Variants in ATPAF2 observed in about 807,000 individuals in gnomAD.
ATPAF2 encodes the protein ATP synthase mitochondrial F1 complex assembly factor 2, also known as ATP12 homolog.
In ATPAF2, 30 loss-of-function variants were observed where a neutral mutation model predicts 36.6. The observed-to-expected ratio is 0.82, with a 90% CI of 0.61 to 1.11. The LOEUF (loss-of-function observed/expected upper bound fraction) is 1.11. Ranked by LOEUF, ATPAF2 falls within the 50% of genes most tolerant of loss-of-function variation. The pLI, the probability that ATPAF2 is intolerant of heterozygous loss-of-function variation, is 0.00. For missense variants in ATPAF2, 321 were observed against 372.3 expected, an observed-to-expected ratio of 0.86 and a Z score of 1.13; for synonymous variants, 140 against 152.6, an observed-to-expected ratio of 0.92 and a Z score of 0.61.
chr17:18,038,913 G>C lies in ATPAF2; in HGVS notation c.101C>G (p.Pro34Arg), dbSNP rs778702000. Residue 34 changes from proline to arginine, a missense_variant, in exon 1 of 8, where the codon CCG (proline) becomes CGG (arginine). Physicochemically the swap from Pro to Arg is moderately radical, Grantham distance 103 (BLOSUM62 -2). Around this residue, in one of 3 missense-constraint regions of ATPAF2, gnomAD observed 69 missense variants for 60.1 expected, o/e 1.15. Coordinates refer to ENST00000474627, the MANE Select transcript of ATPAF2 (RefSeq NM_145691.4). The part of the protein sequence containing the change: ...SASMSPGPTI[P>R]SPARAYAPPT... Reference sequence around the variant, plus strand: ...CGGGGCGTAAGCCCGGGCTGGAGACGGGATGGTTGGCCCCGGACTCATAGA... The same window carrying C: ...CGGGGCGTAAGCCCGGGCTGGAGACCGGATGGTTGGCCCCGGACTCATAGA... The C allele has an allele frequency of 9.9e-6, 16 of 1,613,908 alleles. No homozygotes were observed. In the African/African-American group the frequency reaches 2.0e-4, roughly 20 times the overall value.
chr17:18,028,171 G>A (rs200168749), intron 3 of ATPAF2, 61 bp downstream of exon 3: 480 of 1,607,836 alleles, frequency 3.0e-4, no homozygotes, highest in Non-Finnish European at 4.9e-5. Flanking sequence ...TTGGTAAAGG[G>A]TCTACCCTAC....
chr17:18,034,003 C>T (rs1597678428), intron 1 of ATPAF2, among the ~76,000 whole-genome samples: 1 of 152,174 alleles, frequency 6.6e-6, no homozygotes, highest in African/African-American at 2.4e-5. Context: ...CCTGTAGTCC[C>T]AGCTACTCAG....
chr17:18,026,426 A>G lies in ATPAF2; in HGVS notation c.325-10T>C. 6.2e-7 allele frequency: 1 copy of G among 1,612,462 alleles called. No individual in the cohort carries two copies. The highest frequency in any genetic ancestry group is 8.5e-7 in the Non-Finnish European group (1 of 1,178,422). On this transcript the variant is annotated splice_polypyrimidine_tract_variant and intron_variant, in intron 3 of 7. Transcript: ENST00000474627. Reference sequence around the variant, plus strand: ...TGTTGCACAATGTGGTCTGAATCAAAGGCAAAAACCACCCTGTCACTGCCT... The same window carrying G: ...TGTTGCACAATGTGGTCTGAATCAAGGGCAAAAACCACCCTGTCACTGCCT...
intron 1 of ATPAF2, among the ~76,000 whole-genome samples, chr17:18,029,978 G>A (rs1183723405): frequency 6.6e-6 from 1 of 150,920 alleles, no homozygotes; most frequent in East Asian, 1.9e-4. Context: ...CTTGAGGCCA[G>A]GAGTTCAAGA....
Position 18,039,060 on chromosome 17 carries a change from G to A in ATPAF2, c.-47C>T. On this transcript the variant is annotated 5_prime_UTR_variant, in exon 1 of 8. Coordinates refer to ENST00000474627, the MANE Select transcript of ATPAF2 (RefSeq NM_145691.4). The surrounding 1 kb of genome is among the most constrained non-coding windows in gnomAD (Gnocchi z 5.3). ...ATGCGAGACGCGAAACCTGGAGCAG[G>A]AAACACAGAGCGATGGGATCCCCAA... 6.4e-7 allele frequency: 1 copy of A among 1,556,832 alleles called. No homozygotes were observed. The highest frequency in any genetic ancestry group is 8.7e-7 in the Non-Finnish European group (1 of 1,150,554).
chr17:18,019,147 CCACACACACACACACACACACA>C (rs138932269), intron 7 of ATPAF2, among the ~76,000 whole-genome samples: 7 of 135,658 alleles, frequency 5.2e-5, no homozygotes, highest in South Asian at 4.9e-4. Context: ...CTCAAAAACA[CCACACACACACACACACACACA>C]CACACACACA....
chr17:18,038,841 C>A (rs777656840), intron 1 of ATPAF2, 40 bp downstream of exon 1: 2 of 1,610,736 alleles, frequency 1.2e-6, no homozygotes, highest in South Asian at 2.2e-5. Flanking sequence ...CACCTTACCC[C>A]AGCTCGGCCC....
At chr17:18,030,370 G>A (rs1166018219) in intron 1 of ATPAF2, among the ~76,000 whole-genome samples, 2 of 149,000 alleles carry the variant, frequency 1.3e-5, no homozygotes, top group Non-Finnish European at 3.0e-5. Flanking sequence ...GCTAGGCATG[G>A]TGGCACATGC....
intron 1 of ATPAF2, among the ~76,000 whole-genome samples, chr17:18,036,372 G>C (rs556762174): frequency 6.6e-6 from 1 of 152,084 alleles, no homozygotes; most frequent in Non-Finnish European, 1.5e-5. Context: ...TCAGGAGATC[G>C]AGACCATCCA....
At chr17:18,024,992 T>C in intron 4 of ATPAF2, 1 of 451,018 alleles carries the variant, frequency 2.2e-6, no homozygotes, top group Non-Finnish European at 4.1e-6. Context: ...GATTCTAGTG[T>C]AAGCTTGAGT....
rs2145481261 is a variant in ATPAF2, at chr17:18,018,444, T to C, written c.*105A>G. ...ATCTCAGGGTGACGCTGAGGCCGAGTCCCCAAAAGCCAAGGAAGCCAGCCC... is the reference window on the plus strand; with the variant it reads ...ATCTCAGGGTGACGCTGAGGCCGAGCCCCCAAAAGCCAAGGAAGCCAGCCC... On this transcript the variant is annotated 3_prime_UTR_variant, in exon 8 of 8. Coordinates refer to ENST00000474627, the MANE Select transcript of ATPAF2 (RefSeq NM_145691.4). 6.6e-7 allele frequency: 1 copy of C among 1,517,424 alleles called. No homozygotes were observed. Among genetic ancestry groups the C allele is most frequent in the Non-Finnish European group, 9.0e-7 (1 of 1,106,804 alleles). The allele number at this position is 1,517,424 out of a possible 1,614,324, so 94.0% of individuals were successfully genotyped here.
chr17:18,028,525 G>A (rs780730968), intron 2 of ATPAF2, 90 bp downstream of exon 2: 22 of 1,504,612 alleles, frequency 1.5e-5, no homozygotes, highest in Admixed American at 3.5e-5. Flanking sequence ...AAGGATAATC[G>A]CACCATGAAA....
In ATPAF2 at chr17:18,018,387, C is replaced by G. The variant is rs1194042572; in HGVS notation, c.*162G>C. The G allele has an allele frequency of 1.5e-5, 15 of 996,844 alleles. No individual in the cohort carries two copies. Among genetic ancestry groups the G allele is most frequent in the Non-Finnish European group, 2.3e-5 (15 of 663,890 alleles). 61.7% of individuals were successfully genotyped at this position (996,844 alleles called of 1,614,324 possible). A position where few individuals can be genotyped will look rare whatever the true frequency, so the allele number is the denominator to read the frequency against. The stretch of plus-strand genomic sequence containing the variant: ...GGTTGAAATCAGGCTGACCTCCGGA[C>G]AGCCGTACTAGCGCACTGTGTCTCG... On this transcript the variant is annotated 3_prime_UTR_variant, in exon 8 of 8. Transcript: ENST00000474627.
At chr17:18,021,379 A>G in intron 6 of ATPAF2, 141 bp from the exon 7 acceptor site, 1 of 741,460 alleles carries the variant, frequency 1.3e-6, no homozygotes, top group Non-Finnish European at 2.4e-6. Flanking sequence ...CTTCTGAAAG[A>G]GCACTCTGGT....
Position 18,038,869 on chromosome 17 carries a change from T to C in ATPAF2, c.133+12A>G, listed in dbSNP as rs768364575. 5.0e-6 allele frequency: 8 copies of C among 1,613,714 alleles called. No individual in the cohort carries two copies. Among genetic ancestry groups the C allele is most frequent in the Non-Finnish European group, 6.8e-6 (8 of 1,179,758 alleles). On this transcript the variant is annotated intron_variant, in intron 1 of 7. Transcript: ENST00000474627. ...CTCGGCCCCAACCCAAAAGAACATG[T>C]CATGGTCTTACCTGTCGGCGGGGCG... is the stretch of plus-strand genomic sequence containing the variant.
At chr17:18,019,426 C>A (rs964933704) in intron 7 of ATPAF2, among the ~76,000 whole-genome samples, 3 of 152,270 alleles carry the variant, frequency 2.0e-5, no homozygotes, top group African/African-American at 7.2e-5. Context: ...GTTGCCTTGC[C>A]ATGCTGGGCT....
chr17:18,018,385 GA>G lies in ATPAF2; in HGVS notation c.*163del. 2.0e-6 allele frequency: 2 copies of G among 981,358 alleles called. No homozygotes were observed. The highest frequency in any genetic ancestry group is 1.5e-6 in the Non-Finnish European group (1 of 651,476). 60.8% of individuals were successfully genotyped at this position (981,358 alleles called of 1,614,324 possible). On this transcript the variant is annotated 3_prime_UTR_variant, in exon 8 of 8. Coordinates refer to ENST00000474627, the MANE Select transcript of ATPAF2 (RefSeq NM_145691.4). ...TGGGTTGAAATCAGGCTGACCTCCG[GA>G]CAGCCGTACTAGCGCACTGTGTCTC...
intron 5 of ATPAF2, 49 bp from the exon 6 acceptor site, chr17:18,021,906 A>G (rs2044475327): frequency 6.6e-7 from 1 of 1,518,112 alleles, no homozygotes; most frequent in Non-Finnish European, 9.1e-7. Context: ...GTAGCCCAAG[A>G]GCAGCCCACC....
chr17:18,025,611 C>T lies in ATPAF2; in HGVS notation c.422+708G>A, dbSNP rs17731621. ...CTGGTGACCCAACTGTCCTTCATTT[C>T]CTGTCAGGATCCCTGTATAGTTTTC... On this transcript the variant is annotated intron_variant, in intron 4 of 7. Coordinates refer to ENST00000474627, the MANE Select transcript of ATPAF2 (RefSeq NM_145691.4). The T allele has an allele frequency of 7.9e-3, 1,211 of 154,216 alleles. 9 individuals carry two copies. The highest frequency in any genetic ancestry group is 0.02 in the Middle Eastern group (6 of 294). The allele number at this position is 154,216 out of a possible 1,614,324, so 9.6% of individuals were successfully genotyped here.
Sources: allele counts gnomAD v4.1 joint callset (sites outside exome capture counted in the v4.1 genomes callset), GRCh38; gene constraint gnomAD v4.1.1; regional missense constraint gnomAD v4.1.1; non-coding constraint Gnocchi (gnomAD v3.1); transcripts MANE v1.5; gene names NCBI Gene and HGNC (gene_info 2026-07-23, HGNC 2026-07-21).